CADPS2: variants seen among roughly 807,000 people sequenced by gnomAD.
The protein encoded by CADPS2 is calcium-dependent secretion activator 2.
Under a neutral mutation model 172.5 loss-of-function variants are expected in CADPS2, and 93 were observed. The observed-to-expected ratio is 0.54, with a 90% CI of 0.46 to 0.64. The LOEUF is 0.64. Ranked by LOEUF, CADPS2 falls within the 30% of genes least tolerant of loss-of-function variation. CADPS2 has a pLI of 0.00. For missense variants in CADPS2, 1,420 were observed against 1,565.9 expected, an observed-to-expected ratio of 0.91 and a Z score of 1.57; for synonymous variants, 546 against 555.2, an observed-to-expected ratio of 0.98 and a Z score of 0.23.
chr7:122,359,749 G>A (rs2039894153), intron 27 of CADPS2, among the ~76,000 whole-genome samples: 1 of 152,084 alleles, frequency 6.6e-6, no homozygotes, highest in South Asian at 2.1e-4. Flanking sequence ...TACAGGACGA[G>A]GAGGGTATGA....
chr7:122,379,439 G>A lies in CADPS2; in HGVS notation c.3316C>T (p.Gln1106Ter). Residue 1106 changes from glutamine to a stop codon, truncating the protein, a stop_gained, in exon 25 of 30, where the codon CAG becomes TAG. Transcript: ENST00000449022. LOFTEE classifies it high-confidence loss of function. ...LCALDGGQEQ[Q>*]YHSKIDDLID... ...AGATCATCTATTTTTGAATGGTACT[G>A]TTGCTAGATATTAAAAGATAAAAAC... The A allele has an allele frequency of 6.3e-7, 1 of 1,596,574 alleles. No homozygotes were observed. Among genetic ancestry groups the A allele is most frequent in the Non-Finnish European group, 8.6e-7 (1 of 1,166,590 alleles).
intron 11 of CADPS2, among the ~76,000 whole-genome samples, chr7:122,487,690 A>G (rs1451995058): frequency 6.6e-6 from 1 of 152,218 alleles, no homozygotes; most frequent in Admixed American, 6.5e-5. Context: ...TAAAGGACTC[A>G]GATTTGAATA....
At chr7:122,789,241 C>T (rs1306538618) in intron 1 of CADPS2, among the ~76,000 whole-genome samples, 1 of 152,100 alleles carries the variant, frequency 6.6e-6, no homozygotes, top group African/African-American at 2.4e-5. Flanking sequence ...TACAGCAGCC[C>T]AGAATAGTCT....
At chr7:122,880,316 C>T (rs1822542045) in intron 1 of CADPS2, among the ~76,000 whole-genome samples, 1 of 152,176 alleles carries the variant, frequency 6.6e-6, no homozygotes, top group South Asian at 2.1e-4. Context: ...AAAGACAGTA[C>T]TGTGAATATA....
chr7:122,775,214 G>A (rs2093839800), intron 1 of CADPS2, among the ~76,000 whole-genome samples: 1 of 152,164 alleles, frequency 6.6e-6, no homozygotes, highest in South Asian at 2.1e-4. Context: ...GAGTCTAAGA[G>A]TCTAAGCCTA....
intron 24 of CADPS2, among the ~76,000 whole-genome samples, chr7:122,382,587 G>GT (rs924074446): frequency 2.2e-4 from 33 of 151,944 alleles, no homozygotes; most frequent in African/African-American, 7.0e-4. Context: ...AAATTGATAG[G>GT]TTTTTTTTCC....
At chr7:122,670,545 G>A (rs961890500) in intron 2 of CADPS2, among the ~76,000 whole-genome samples, 2 of 151,290 alleles carry the variant, frequency 1.3e-5, no homozygotes, top group African/African-American at 4.9e-5. Flanking sequence ...TCACCCAGGC[G>A]GGAGTCCAGT....
intron 28 of CADPS2, among the ~76,000 whole-genome samples, chr7:122,343,356 G>C (rs186675533): frequency 8.0e-4 from 122 of 152,308 alleles, no homozygotes; most frequent in African/African-American, 2.6e-3. Flanking sequence ...AGCCATGTCA[G>C]ATGCTTAGGC....
intron 2 of CADPS2, among the ~76,000 whole-genome samples, chr7:122,723,062 A>C (rs1306883835): frequency 6.6e-6 from 1 of 152,180 alleles, no homozygotes. Flanking sequence ...TGTTAGACTT[A>C]AAACCATAAA....
At chr7:122,333,648 C>A (rs999330036) in intron 28 of CADPS2, among the ~76,000 whole-genome samples, 1 of 152,192 alleles carries the variant, frequency 6.6e-6, no homozygotes, top group African/African-American at 2.4e-5. Flanking sequence ...CCAATACTAT[C>A]TCTTACTAGG....
intron 27 of CADPS2, among the ~76,000 whole-genome samples, chr7:122,351,285 A>G (rs2038543103): frequency 6.7e-6 from 1 of 148,610 alleles, no homozygotes; most frequent in Non-Finnish European, 1.5e-5. Flanking sequence ...AGGCAGGACA[A>G]CAGCATGAAC....
Position 122,573,999 on chromosome 7 carries a change from A to G in CADPS2, c.1335+7180T>C, listed in dbSNP as rs528503742. ...ATACACACTTACTGGAATACATTCTAAAGACAAATCAAATGGCAAAAAAAA... is the reference window on the plus strand; with the variant it reads ...ATACACACTTACTGGAATACATTCTGAAGACAAATCAAATGGCAAAAAAAA... On this transcript the variant is annotated intron_variant, in intron 7 of 29. Coordinates refer to ENST00000449022, the MANE Select transcript of CADPS2 (RefSeq NM_017954.11). Among the ~76,000 whole-genome samples the G allele has an allele frequency of 2.0e-5, 3 of 152,260 alleles. No homozygotes were observed. In the East Asian group the frequency reaches 5.8e-4, roughly 29 times the overall value.
intron 2 of CADPS2, among the ~76,000 whole-genome samples, chr7:122,679,570 C>T (rs903376265): frequency 3.3e-5 from 5 of 152,028 alleles, no homozygotes; most frequent in Non-Finnish European, 7.4e-5. Context: ...TCTTTTGTTG[C>T]CCTTAAAGCA....
intron 1 of CADPS2, among the ~76,000 whole-genome samples, chr7:122,737,950 C>T (rs1446060068): frequency 1.3e-5 from 2 of 151,926 alleles, no homozygotes; most frequent in Non-Finnish European, 2.9e-5. Flanking sequence ...TACATCAATA[C>T]CTGAGTTTAG....
At chr7:122,543,238 T>A (rs1448760544) in intron 8 of CADPS2, among the ~76,000 whole-genome samples, 5 of 152,110 alleles carry the variant, frequency 3.3e-5, no homozygotes, top group Non-Finnish European at 7.4e-5. Context: ...TTTTTACATA[T>A]GATTATGCTG....
rs78565000 is a variant in CADPS2, at chr7:122,768,245, C to G, written c.340-31177G>C. Among the ~76,000 whole-genome samples the G allele has an allele frequency of 9.2e-5, 14 of 152,262 alleles. No individual in the cohort carries two copies. The East Asian group carries it at 2.3e-3, about 25-fold the overall frequency. On this transcript the variant is annotated intron_variant, in intron 1 of 29. Transcript: ENST00000449022. ...TGAGCACACATTTCCTACCTTCATT[C>G]CATCTTCATTTCCTAATTGCTACTT...
intron 23 of CADPS2, 113 bp from the exon 24 acceptor site, chr7:122,387,286 G>A: frequency 9.3e-7 from 1 of 1,077,586 alleles, no homozygotes. Flanking sequence ...CAAATAAGGA[G>A]TAAGCAGTGT....
chr7:122,650,235 G>C (rs1415000856), intron 3 of CADPS2, among the ~76,000 whole-genome samples: 1 of 151,216 alleles, frequency 6.6e-6, no homozygotes, highest in Non-Finnish European at 1.5e-5. Context: ...ATAAATAAAA[G>C]AAAAAATATA....
chr7:122,472,567 T>C (rs1035900137), intron 13 of CADPS2, among the ~76,000 whole-genome samples: 5 of 152,192 alleles, frequency 3.3e-5, no homozygotes, highest in Admixed American at 3.3e-4. Flanking sequence ...TTAGGTGCAG[T>C]GGAAGACCTT....
Sources: gnomAD v4.1 joint callset for allele counts (sites outside exome capture counted in the v4.1 genomes callset) on GRCh38, gnomAD v4.1.1 for gene constraint, MANE v1.5 for transcripts, NCBI Gene and HGNC (gene_info 2026-07-23, HGNC 2026-07-21) for gene names.